Variants in ELOA observed in about 807,000 individuals in gnomAD.
The protein encoded by ELOA is elongin-A.
Under a neutral mutation model 85.2 loss-of-function variants are expected in ELOA, and 15 were observed. The observed-to-expected ratio is 0.18, with a 90% confidence interval of 0.12 to 0.27. The LOEUF is 0.27. Ranked by LOEUF, ELOA falls within the 10% of genes least tolerant of loss-of-function variation. The probability of loss-of-function intolerance (pLI) is 1.00; values close to 1 mark genes in which losing one functional copy is unlikely to be tolerated. For missense variants in ELOA, 769 were observed against 952.7 expected (o/e 0.81, Z 2.54); for synonymous variants, 348 against 357.2 (o/e 0.97, Z 0.29).
At chr1:23,744,520 C>G (rs957300004) in intron 1 of ELOA, among the ~76,000 whole-genome samples, 1 of 149,736 alleles carries the variant, frequency 6.7e-6, no homozygotes, top group South Asian at 2.1e-4. Flanking sequence ...GTGGCGCGAT[C>G]TCGGCTCACT....
Position 23,752,527 on chromosome 1 carries a change from C to T in ELOA, c.1537+9C>T. 2 of 1,610,732 alleles carry T rather than the reference C, an allele frequency of 1.2e-6. No homozygotes were observed. Among genetic ancestry groups the T allele is most frequent in the Non-Finnish European group, 1.7e-6 (2 of 1,177,960 alleles). On this transcript the variant is annotated intron_variant, in intron 5 of 10. Transcript: ENST00000613537. ...CCAGCCAAAGCGAAAAGGTAATTTT[C>T]TATATCTTCTTTTTCTTAATGGGAA...
chr1:23,744,119 C>T (rs1035803574), intron 1 of ELOA: 9 of 152,350 alleles, frequency 5.9e-5, no homozygotes, highest in African/African-American at 1.9e-4. Context: ...AGAGCGTGGA[C>T]CTTTCGCTTT....
rs150176865 is a variant in ELOA, at chr1:23,744,864, C to T, written c.75+1286C>T. 1.7e-3 allele frequency among the ~76,000 whole-genome samples: 262 copies of T among 152,118 alleles called. 1 individual carries two copies. The highest frequency in any genetic ancestry group is 6.0e-3 in the African/African-American group (247 of 41,488). On this transcript the variant is annotated intron_variant, in intron 1 of 10. Transcript: ENST00000613537. ...CTGCTCTGCTGAGCCTCTTCCTCAC[C>T]TGCTGCTTCCTAGGACTAACCTGAA...
chr1:23,751,098 T>C lies in ELOA; in HGVS notation c.493T>C (p.Tyr165His), dbSNP rs1170988379. Residue 165 changes from tyrosine (Y) to histidine (H), a missense_variant, in exon 4 of 11, where the codon TAC becomes CAC. Tyr to His is a moderately conservative substitution (Grantham distance 83, BLOSUM62 2). Around this residue, in one of 4 missense-constraint regions of ELOA, gnomAD observed 440 missense variants for 474.0 expected, o/e 0.93. Transcript: ENST00000613537. ...RKRCHRMSPT[Y>H]SSDPESSDYG... ...GAGGTGTCACAGAATGTCACCAACT[T>C]ACTCTTCAGACCCTGAGTCTTCTGA... The C allele has an allele frequency of 2.5e-6, 4 of 1,613,978 alleles. No homozygotes were observed. The highest frequency in any genetic ancestry group is 3.4e-6 in the Non-Finnish European group (4 of 1,180,032).
chr1:23,756,450 G>A, intron 9 of ELOA, 65 bp downstream of exon 9: 1 of 1,431,718 alleles, frequency 7.0e-7, no homozygotes, highest in Non-Finnish European at 9.6e-7. Flanking sequence ...CATAGCGGCA[G>A]GAAGCAAATT....
chr1:23,760,977 C>G lies in ELOA; in HGVS notation c.*1404C>G, dbSNP rs138401493. ...GTCCTTAAGGAACCTGACAAGCAGA[C>G]TGAAGGGATGGTAAGTGTGACAGCC... On this transcript the variant is annotated 3_prime_UTR_variant, in exon 11 of 11. Coordinates refer to ENST00000613537, the MANE Select transcript of ELOA (RefSeq NM_003198.3). 2 of 152,084 alleles carry G rather than the reference C, an allele frequency of 1.3e-5. No homozygotes were observed. Among genetic ancestry groups the G allele is most frequent in the Admixed American group, 6.6e-5 (1 of 15,258 alleles). The allele number at this position is 152,084 out of a possible 1,614,324, so 9.4% of individuals were successfully genotyped here.
chr1:23,753,609 G>A (rs1232823637), intron 5 of ELOA, among the ~76,000 whole-genome samples: 1 of 152,086 alleles, frequency 6.6e-6, no homozygotes, highest in Non-Finnish European at 1.5e-5. Context: ...AAAAAAAAAT[G>A]TGGAAAGTCT....
At chr1:23,750,758 ACTT>A in intron 3 of ELOA, 84 bp from the exon 4 acceptor site, 3 of 1,275,558 alleles carry the variant, frequency 2.4e-6, no homozygotes, top group Non-Finnish European at 2.1e-6. Flanking sequence ...CTGCATCTTC[ACTT>A]CTTTGGTGAG....
intron 10 of ELOA, among the ~76,000 whole-genome samples, chr1:23,758,551 G>T (rs1638247597): frequency 6.7e-6 from 1 of 148,894 alleles, no homozygotes; most frequent in African/African-American, 2.5e-5. Context: ...GGGATTACCA[G>T]CGTGAACCAC....
intron 10 of ELOA, among the ~76,000 whole-genome samples, chr1:23,759,042 C>T (rs1183668091): frequency 6.6e-6 from 1 of 151,968 alleles, no homozygotes; most frequent in African/African-American, 2.4e-5. Context: ...CCTGACTCTA[C>T]AGAAAATAAA....
At chr1:23,750,718 C>T in intron 3 of ELOA, 127 bp from the exon 4 acceptor site, 6 of 857,962 alleles carry the variant, frequency 7.0e-6, no homozygotes, top group Non-Finnish European at 1.0e-5. Flanking sequence ...ACCTACTTAT[C>T]TTCTTCTTAA....
Position 23,751,074 on chromosome 1 carries a change from A to C in ELOA, c.469A>C (p.Arg157=). 1 of 1,614,120 alleles carries C rather than the reference A, an allele frequency of 6.2e-7. No homozygotes were observed. Among genetic ancestry groups the C allele is most frequent in the Non-Finnish European group, 8.5e-7 (1 of 1,180,028 alleles). ...TCATGAGAGGAGAGATGAGAGAAAG[A>C]GGTGTCACAGAATGTCACCAACTTA... is the stretch of plus-strand genomic sequence containing the variant. ...HGHERRDERK[R]CHRMSPTYSS... Residue 157 remains arginine (R), a synonymous_variant, in exon 4 of 11, where the codon AGG becomes CGG. Transcript: ENST00000613537.
chr1:23,752,891 C>T (rs894039525), intron 5 of ELOA, among the ~76,000 whole-genome samples: 13 of 151,868 alleles, frequency 8.6e-5, no homozygotes, highest in African/African-American at 9.7e-5. Context: ...TGCAGTGGGC[C>T]GAGATTACGC....
At chr1:23,759,451 A>T (rs1413343262) in intron 10 of ELOA, 61 bp from the exon 11 acceptor site, 7 of 1,557,386 alleles carry the variant, frequency 4.5e-6, no homozygotes, top group African/African-American at 1.4e-5. Context: ...ACTGTAAACT[A>T]CTGGGGGTGT....
At chr1:23,747,811 G>C (rs1644753390) in intron 1 of ELOA, among the ~76,000 whole-genome samples, 1 of 152,310 alleles carries the variant, frequency 6.6e-6, no homozygotes, top group Middle Eastern at 3.4e-3. Context: ...ACCATGTTAA[G>C]TAATGATTGA....
chr1:23,749,737 A>C, intron 2 of ELOA, 105 bp from the exon 3 acceptor site: 1 of 912,376 alleles, frequency 1.1e-6, no homozygotes, highest in Non-Finnish European at 1.7e-6. Flanking sequence ...TGTTGTAGGA[A>C]GGAAGTATTG....
chr1:23,752,380 C>A, intron 4 of ELOA, 27 bp from the exon 5 acceptor site: 1 of 1,604,064 alleles, frequency 6.2e-7, no homozygotes, highest in South Asian at 1.1e-5. Context: ...CTCACTGACT[C>A]TCCACCCATG....
chr1:23,757,185 G>A, intron 10 of ELOA, 60 bp downstream of exon 10: 2 of 1,476,822 alleles, frequency 1.4e-6, no homozygotes, highest in Non-Finnish European at 1.8e-6. Flanking sequence ...AACTCTCAAT[G>A]TCATTATTCA....
At chr1:23,749,705 T>G in intron 2 of ELOA, 137 bp from the exon 3 acceptor site, 1 of 693,404 alleles carries the variant, frequency 1.4e-6, no homozygotes, top group Non-Finnish European at 2.4e-6. Context: ...CAAAGTAATT[T>G]AGTGTTAAGA....
Sources: allele counts gnomAD v4.1 joint callset (sites outside exome capture counted in the v4.1 genomes callset), GRCh38; gene constraint gnomAD v4.1.1; regional missense constraint gnomAD v4.1.1; transcripts MANE v1.5; gene names NCBI Gene and HGNC (gene_info 2026-07-23, HGNC 2026-07-21).